Variants in ASIC2 observed in about 807,000 individuals in gnomAD.
The protein encoded by ASIC2 is acid-sensing ion channel 2.
ASIC2 carries 25 observed loss-of-function variants against 57.3 expected under a neutral mutation model. The observed-to-expected ratio is 0.44, with a 90% confidence interval of 0.32 to 0.61. The LOEUF (loss-of-function observed/expected upper bound fraction) is 0.61, where lower values mean the gene tolerates loss of function less well. Ranked by LOEUF, ASIC2 falls within the 20% of genes least tolerant of loss-of-function variation. The pLI is 0.06. For synonymous variants in ASIC2, 319 were observed against 307.5 expected (o/e 1.04, Z -0.39); for missense variants, 641 against 738.1 (o/e 0.87, Z 1.52).
intron 1 of ASIC2, chr17:33,627,349 T>A (rs1415687939): frequency 2.0e-5 from 3 of 152,268 alleles, no homozygotes; most frequent in Non-Finnish European, 4.4e-5. Flanking sequence ...AGACAGAGTT[T>A]GGGTGCTTTA....
intron 1 of ASIC2, among the ~76,000 whole-genome samples, chr17:33,625,822 G>T (rs1447187429): frequency 6.6e-6 from 1 of 152,240 alleles, no homozygotes; most frequent in Non-Finnish European, 1.5e-5. Flanking sequence ...TGCTTAGCTT[G>T]CAGACGCTTC....
intron 1 of ASIC2, among the ~76,000 whole-genome samples, chr17:33,314,890 T>A (rs1906579959): frequency 6.6e-6 from 1 of 152,158 alleles, no homozygotes; most frequent in Admixed American, 6.5e-5. Flanking sequence ...TTTAATTAAT[T>A]GGGAAGCTGG....
intron 1 of ASIC2, among the ~76,000 whole-genome samples, chr17:33,483,464 C>T (rs780998552): frequency 3.1e-4 from 47 of 152,362 alleles, no homozygotes; most frequent in Non-Finnish European, 4.3e-4. Flanking sequence ...GGAGGAAGAA[C>T]TGCCTTGCCT....
intron 1 of ASIC2, among the ~76,000 whole-genome samples, chr17:34,137,161 A>G (rs191369759): frequency 6.6e-6 from 1 of 152,350 alleles, no homozygotes; most frequent in Non-Finnish European, 1.5e-5. Context: ...ATTTGTTTGT[A>G]TATCTGTAAC....
chr17:33,015,822 C>T (rs2091802548), intron 9 of ASIC2, 149 bp downstream of exon 9: 4 of 757,696 alleles, frequency 5.3e-6, no homozygotes, highest in South Asian at 5.2e-5. Flanking sequence ...GCTGGAGTGT[C>T]CTTGGATTTG....
chr17:33,639,132 A>G (rs1227442373), intron 1 of ASIC2, among the ~76,000 whole-genome samples: 2 of 151,878 alleles, frequency 1.3e-5, no homozygotes, highest in Admixed American at 1.3e-4. Context: ...AAGCAGACCA[A>G]GGCCAAACTG....
At chr17:34,031,976 G>A (rs949901220) in intron 1 of ASIC2, among the ~76,000 whole-genome samples, 1 of 152,116 alleles carries the variant, frequency 6.6e-6, no homozygotes, top group African/African-American at 2.4e-5. Context: ...AATCTAGCAA[G>A]GCAGACCAAC....
intron 1 of ASIC2, among the ~76,000 whole-genome samples, chr17:33,607,950 G>T (rs562156412): frequency 6.6e-6 from 1 of 152,278 alleles, no homozygotes; most frequent in South Asian, 2.1e-4. Context: ...TGTTCAACCG[G>T]AAGACTTTGC....
intron 1 of ASIC2, among the ~76,000 whole-genome samples, chr17:33,797,872 A>G (rs1480133306): frequency 6.6e-6 from 1 of 152,094 alleles, no homozygotes; most frequent in East Asian, 1.9e-4. Flanking sequence ...TCTTCCTACA[A>G]CTTCAGCATC....
chr17:33,292,278 C>G lies in ASIC2; in HGVS notation c.-163G>C. The G allele has an allele frequency of 1.0e-6, 1 of 988,212 alleles. No individual in the cohort carries two copies. Among genetic ancestry groups the G allele is most frequent in the Non-Finnish European group, 1.2e-6 (1 of 833,174 alleles). 61.2% of individuals were successfully genotyped at this position (988,212 alleles called of 1,614,324 possible). A position where few individuals can be genotyped will look rare whatever the true frequency, so the allele number is the denominator to read the frequency against. On this transcript the variant is annotated 5_prime_UTR_variant, in exon 1 of 10. Transcript: ENST00000225823. Reference sequence around the variant, plus strand: ...GCTCCGGTGGCGCGGCATGCCCGCCCGGCGCCGCCGCTGCCGCCTCCGCGG... The same window carrying G: ...GCTCCGGTGGCGCGGCATGCCCGCCGGGCGCCGCCGCTGCCGCCTCCGCGG...
At chr17:33,385,289 C>T (rs572153916) in intron 1 of ASIC2, among the ~76,000 whole-genome samples, 84 of 152,276 alleles carry the variant, frequency 5.5e-4, no homozygotes, top group African/African-American at 2.0e-3. Flanking sequence ...GGCCTCCCTC[C>T]CCAGCCCCTG....
intron 1 of ASIC2, among the ~76,000 whole-genome samples, chr17:33,128,947 C>T (rs1419637567): frequency 6.6e-6 from 1 of 152,126 alleles, no homozygotes; most frequent in Admixed American, 6.5e-5. Flanking sequence ...TTGCTCCATC[C>T]CTAAAGAGTG....
At chr17:33,915,206 C>T (rs1915558208) in intron 1 of ASIC2, among the ~76,000 whole-genome samples, 1 of 152,178 alleles carries the variant, frequency 6.6e-6, no homozygotes. Flanking sequence ...AATAGCTGTG[C>T]AAATCTGAGA....
At chr17:33,514,349 T>C (rs1914507603) in intron 1 of ASIC2, among the ~76,000 whole-genome samples, 1 of 152,038 alleles carries the variant, frequency 6.6e-6, no homozygotes, top group South Asian at 2.1e-4. Flanking sequence ...CCTGCCTTGC[T>C]GATCCTCTCC....
At position 33,792,571 on chromosome 17, in the gene ASIC2, G is replaced by T. The variant is rs1395310899; in HGVS notation, c.555+363407C>A. The stretch of plus-strand genomic sequence containing the variant: ...GCTGTCAGTCAGAAGAAAATATTTT[G>T]AAGCCAAAATTTGAAAACTGTCACA... On this transcript the variant is annotated intron_variant, in intron 1 of 9. Transcript: ENST00000359872. 5 of 152,140 alleles carry T rather than the reference G, an allele frequency of 3.3e-5. No homozygotes were observed. In the East Asian group the frequency reaches 9.6e-4, roughly 29 times the overall value. 9.4% of individuals were successfully genotyped at this position (152,140 alleles called of 1,614,324 possible).
intron 1 of ASIC2, among the ~76,000 whole-genome samples, chr17:33,687,500 C>G (rs1348167586): frequency 6.6e-6 from 1 of 152,202 alleles, no homozygotes; most frequent in Non-Finnish European, 1.5e-5. Context: ...CAGCCCCTCT[C>G]TTTCCCTGCC....
At chr17:33,688,566 G>C (rs1243149532) in intron 1 of ASIC2, among the ~76,000 whole-genome samples, 1 of 152,172 alleles carries the variant, frequency 6.6e-6, no homozygotes, top group Admixed American at 6.5e-5. Context: ...TGTTCCAGCA[G>C]GGAACAAAGC....
rs1236797063 is a variant in ASIC2, at chr17:33,527,530, AG to A, written c.556-415464del. Among the ~76,000 whole-genome samples, 107 of 152,276 alleles carry A rather than the reference AG, an allele frequency of 7.0e-4. 1 individual carries two copies. Among genetic ancestry groups the A allele is most frequent in the Non-Finnish European group, 8.8e-5 (6 of 68,022 alleles). ...CTCCAGTGGGTGAAAAATGACCAGG[AG>A]TGGGGTGTTGTGTGTCCCACTTTAT... On this transcript the variant is annotated intron_variant, in intron 1 of 9. Coordinates refer to the ASIC2 transcript ENST00000359872.
chr17:33,550,271 G>T (rs1453587175), intron 1 of ASIC2, among the ~76,000 whole-genome samples: 1 of 152,240 alleles, frequency 6.6e-6, no homozygotes, highest in Non-Finnish European at 1.5e-5. Context: ...TTGTTCTAAA[G>T]TCAACTTTTA....
Sources: allele counts gnomAD v4.1 joint callset (sites outside exome capture counted in the v4.1 genomes callset), GRCh38; gene constraint gnomAD v4.1.1; transcripts MANE v1.5; gene names NCBI Gene and HGNC (gene_info 2026-07-23, HGNC 2026-07-21).